The following ADGRB3 variants were observed in gnomAD, a reference collection of about 807,000 sequenced individuals.
The protein encoded by ADGRB3 is brain-specific angiogenesis inhibitor 3.
A neutral mutation model predicts 193.4 loss-of-function variants in ADGRB3; 37 were observed. That is an observed-to-expected ratio of 0.19 (90% CI 0.15 to 0.25). ADGRB3 has a LOEUF of 0.25. Among genes scored for constraint, ADGRB3 ranks in the 10% least tolerant of loss-of-function variants. The pLI is 1.00. For synonymous variants in ADGRB3, 690 were observed against 644.2 expected (o/e 1.07, Z -1.08); for missense variants, 1,637 against 1,852.9 (o/e 0.88, Z 2.14).
rs558824898 is a variant in ADGRB3, at chr6:68,956,466, T to G, written c.1361-179T>G. ...AGCACTGAGCTTGCACTTTTTACAC[T>G]TTTTTACACTGTTCTTCGCAATGCT... On this transcript the variant is annotated intron_variant, in intron 7 of 31. Transcript: ENST00000370598. 2.1e-3 allele frequency among the ~76,000 whole-genome samples: 314 copies of G among 152,276 alleles called. 1 individual carries two copies. Among genetic ancestry groups the G allele is most frequent in the African/African-American group, 7.4e-3 (306 of 41,552 alleles).
chr6:69,364,291 G>A (rs1357090326), intron 29 of ADGRB3, among the ~76,000 whole-genome samples: 2 of 151,956 alleles, frequency 1.3e-5, no homozygotes, highest in African/African-American at 4.8e-5. Context: ...GTGGAAAAGA[G>A]GAAAAACGAG....
At chr6:69,066,383 A>G (rs1464838136) in intron 16 of ADGRB3, among the ~76,000 whole-genome samples, 1 of 151,996 alleles carries the variant, frequency 6.6e-6, no homozygotes, top group African/African-American at 2.4e-5. Context: ...TGAAAAAAAA[A>G]AGGAAGAATG....
intron 11 of ADGRB3, among the ~76,000 whole-genome samples, chr6:68,995,328 C>A (rs948449987): frequency 1.3e-5 from 2 of 152,090 alleles, no homozygotes; most frequent in Non-Finnish European, 2.9e-5. Context: ...CAAAAAAATT[C>A]TCATAAACTC....
At chr6:69,336,758 A>G (rs1768859045) in intron 24 of ADGRB3, among the ~76,000 whole-genome samples, 1 of 152,092 alleles carries the variant, frequency 6.6e-6, no homozygotes, top group Non-Finnish European at 1.5e-5. Flanking sequence ...TTTCTTCTAT[A>G]ATAAAGAAAC....
rs144573598 is a variant in ADGRB3, at chr6:68,821,825, A to C, written c.758-108734A>C. On this transcript the variant is annotated intron_variant, in intron 3 of 31. Transcript: ENST00000370598. The stretch of plus-strand genomic sequence containing the variant: ...TTAAGAAATAAAAGGATTTAGTTCC[A>C]TGATGCAACTGGAAATTTGCAAAAC... 7.9e-5 allele frequency among the ~76,000 whole-genome samples: 12 copies of C among 152,108 alleles called. No individual in the cohort carries two copies. In the East Asian group the frequency reaches 2.1e-3, roughly 27 times the overall value.
At chr6:69,211,660 T>C (rs55946025) in intron 17 of ADGRB3, among the ~76,000 whole-genome samples, 21,419 of 152,118 alleles carry the variant, frequency 0.14, 1,567 homozygotes, top group Middle Eastern at 0.16. Context: ...TATTTATTAG[T>C]TTATATTATC....
chr6:69,330,389 T>C (rs903662819), intron 22 of ADGRB3, 117 bp from the exon 23 acceptor site: 2 of 596,026 alleles, frequency 3.4e-6, no homozygotes, highest in South Asian at 8.1e-5. Context: ...ATTACAAATG[T>C]TTAACATGTG....
intron 20 of ADGRB3, among the ~76,000 whole-genome samples, chr6:69,297,449 G>T (rs929364934): frequency 2.9e-5 from 4 of 136,926 alleles, no homozygotes; most frequent in Non-Finnish European, 6.2e-5. Flanking sequence ...GCCTTTTGAT[G>T]TTAAGCTACT....
intron 8 of ADGRB3, among the ~76,000 whole-genome samples, chr6:68,964,978 A>G (rs9446078): frequency 0.27 from 41,584 of 152,106 alleles, 6,015 homozygotes; most frequent in Middle Eastern, 0.41. Flanking sequence ...CCATAGGTCC[A>G]TCATCTCTTA....
At chr6:68,818,189 C>T (rs950214609) in intron 3 of ADGRB3, among the ~76,000 whole-genome samples, 3 of 151,946 alleles carry the variant, frequency 2.0e-5, no homozygotes, top group Admixed American at 2.0e-4. Context: ...GTTCTATGTG[C>T]GCACCGCCTT....
chr6:68,886,157 T>C (rs1765900952), intron 3 of ADGRB3, among the ~76,000 whole-genome samples: 1 of 152,118 alleles, frequency 6.6e-6, no homozygotes, highest in East Asian at 1.9e-4. Context: ...AACCAGGAGC[T>C]GAAAGTACCT....
chr6:68,820,254 A>C (rs1767724893), intron 3 of ADGRB3, among the ~76,000 whole-genome samples: 1 of 152,082 alleles, frequency 6.6e-6, no homozygotes. Context: ...TTATTAAAAT[A>C]ATTTTCTTTC....
At chr6:68,761,289 C>G (rs1207260798) in intron 3 of ADGRB3, among the ~76,000 whole-genome samples, 1 of 152,008 alleles carries the variant, frequency 6.6e-6, no homozygotes, top group African/African-American at 2.4e-5. Context: ...TTCAAACAAG[C>G]ACACTTGGAT....
intron 20 of ADGRB3, among the ~76,000 whole-genome samples, chr6:69,266,439 C>G (rs562659332): frequency 2.3e-4 from 35 of 152,032 alleles, no homozygotes; most frequent in African/African-American, 7.9e-4. Flanking sequence ...CCCTTGAGAC[C>G]TAATACAAAT....
chr6:69,187,374 T>A (rs1355768117), intron 17 of ADGRB3, among the ~76,000 whole-genome samples: 1 of 152,186 alleles, frequency 6.6e-6, no homozygotes, highest in African/African-American at 2.4e-5. Flanking sequence ...ATTGTTCGTA[T>A]AAGACTTTCT....
chr6:69,175,724 T>G (rs1211007291), intron 17 of ADGRB3, among the ~76,000 whole-genome samples: 2 of 152,234 alleles, frequency 1.3e-5, no homozygotes, highest in African/African-American at 4.8e-5. Context: ...TAGATTGCCT[T>G]AAGCAGTATG....
At chr6:68,949,224 A>G (rs371416235) in intron 6 of ADGRB3, among the ~76,000 whole-genome samples, 1 of 152,112 alleles carries the variant, frequency 6.6e-6, no homozygotes, top group African/African-American at 2.4e-5. Context: ...TTCTTCTCCC[A>G]GGTTTTTGCT....
intron 20 of ADGRB3, among the ~76,000 whole-genome samples, chr6:69,292,419 AT>A (rs1767707147): frequency 6.6e-6 from 1 of 152,188 alleles, no homozygotes; most frequent in Non-Finnish European, 1.5e-5. Flanking sequence ...CATCCTGTAT[AT>A]TCTCCTTTCT....
intron 17 of ADGRB3, among the ~76,000 whole-genome samples, chr6:69,086,973 G>A (rs558751511): frequency 6.6e-6 from 1 of 152,212 alleles, no homozygotes; most frequent in Admixed American, 6.5e-5. Flanking sequence ...TGTTAGAAAC[G>A]TAATTGTAAT....
Sources: allele counts gnomAD v4.1 joint callset (sites outside exome capture counted in the v4.1 genomes callset), GRCh38; gene constraint gnomAD v4.1.1; transcripts MANE v1.5; gene names NCBI Gene and HGNC (gene_info 2026-07-23, HGNC 2026-07-21).